Variants in KDM7A observed in about 807,000 individuals in gnomAD.
KDM7A encodes lysine-specific demethylase 7A.
In KDM7A, 28 loss-of-function variants were observed where a neutral mutation model predicts 114.8. The observed-to-expected ratio is 0.24, with a 90% confidence interval of 0.18 to 0.33. KDM7A has a LOEUF of 0.33. Ranked by LOEUF, KDM7A falls within the 10% of genes least tolerant of loss-of-function variation. The probability of loss-of-function intolerance (pLI) is 1.00; values close to 1 mark genes in which losing one functional copy is unlikely to be tolerated. For missense variants in KDM7A, 942 were observed against 1,142.5 expected (o/e 0.82, Z 2.53); for synonymous variants, 423 against 397.8 (o/e 1.06, Z -0.75).
intron 19 of KDM7A, 40 bp from the exon 20 acceptor site, chr7:140,091,228 G>A: frequency 7.3e-7 from 1 of 1,374,446 alleles, no homozygotes; most frequent in Non-Finnish European, 1.0e-6. Context: ...ATGATGAAAA[G>A]TACACTTAAG....
intron 2 of KDM7A, among the ~76,000 whole-genome samples, chr7:140,136,686 C>T (rs1482134972): frequency 1.3e-5 from 2 of 152,188 alleles, no homozygotes; most frequent in African/African-American, 4.8e-5. Context: ...TAGGGAATCT[C>T]TGAAACCAAC....
chr7:140,110,960 C>T, intron 11 of KDM7A, 135 bp downstream of exon 11: 1 of 493,390 alleles, frequency 2.0e-6, no homozygotes, highest in Non-Finnish European at 3.5e-6. Context: ...ACCTGAGAAA[C>T]CTCCAAAGAC....
intron 17 of KDM7A, among the ~76,000 whole-genome samples, 196 bp from the exon 18 acceptor site, chr7:140,094,334 G>A (rs1244051876): frequency 7.9e-5 from 12 of 152,092 alleles, no homozygotes; most frequent in Non-Finnish European, 1.6e-4. Flanking sequence ...GTGAAACCCC[G>A]TCTCTATTAA....
chr7:140,168,900 G>C (rs962578210), intron 1 of KDM7A, among the ~76,000 whole-genome samples: 11 of 152,246 alleles, frequency 7.2e-5, no homozygotes, highest in South Asian at 2.1e-4. Context: ...GTAAGGAAAG[G>C]GGAAAGCTAA....
At chr7:140,110,844 G>A (rs569474403) in intron 11 of KDM7A, among the ~76,000 whole-genome samples, 1 of 151,976 alleles carries the variant, frequency 6.6e-6, no homozygotes, top group East Asian at 1.9e-4. Flanking sequence ...CTGTATTTTT[G>A]ATTTTTTTTA....
chr7:140,176,797 G>T lies in KDM7A; in HGVS notation c.141C>A (p.Asp47Glu). Residue 47 changes from aspartate (D) to glutamate (E), a missense_variant, in exon 1 of 20, where the codon GAC (aspartate) becomes GAA (glutamate). Physicochemically the swap from Asp to Glu is conservative, Grantham distance 45. This residue lies in a region of KDM7A where 112 missense variants were observed against 96.2 expected (regional missense o/e 1.16). Transcript: ENST00000397560. This position sits in a 1 kb window ranked among gnomAD's most constrained non-coding sequence, Gnocchi z 4.4. ...PVYCVCRQPYDVNRFMIECDI... is the reference protein window; with the variant it reads ...PVYCVCRQPYEVNRFMIECDI... ...CGCACTCGATCATGAAGCGGTTCAC[G>T]TCGTACGGCTGCCGGCACACACAGT... The T allele has an allele frequency of 1.4e-6, 2 of 1,416,852 alleles. No individual in the cohort carries two copies. The highest frequency in any genetic ancestry group is 1.9e-6 in the Non-Finnish European group (2 of 1,063,608). The allele number at this position is 1,416,852 out of a possible 1,614,324, so 87.8% of individuals were successfully genotyped here. A position where few individuals can be genotyped will look rare whatever the true frequency, so the allele number is the denominator to read the frequency against.
At chr7:140,118,422 T>A (rs1234883685) in intron 9 of KDM7A, among the ~76,000 whole-genome samples, 1 of 139,368 alleles carries the variant, frequency 7.2e-6, no homozygotes, top group African/African-American at 3.0e-5. Context: ...ATAACCTGAC[T>A]TTTTTTTTTT....
chr7:140,147,805 G>T (rs1157636533), intron 1 of KDM7A, among the ~76,000 whole-genome samples: 1 of 152,144 alleles, frequency 6.6e-6, no homozygotes, highest in Non-Finnish European at 1.5e-5. Context: ...CCATGACACC[G>T]GATAAACACA....
intron 3 of KDM7A, among the ~76,000 whole-genome samples, chr7:140,130,535 C>T (rs1404137078): frequency 6.6e-6 from 1 of 151,802 alleles, no homozygotes; most frequent in Non-Finnish European, 1.5e-5. Context: ...GCAGGAGAAT[C>T]GCTTGAACCT....
chr7:140,094,574 A>C, intron 17 of KDM7A: 1 of 167,344 alleles, frequency 6.0e-6, no homozygotes, highest in Non-Finnish European at 1.3e-5. Context: ...CTCTTTAGAT[A>C]CTCATTTGCA....
intron 1 of KDM7A, among the ~76,000 whole-genome samples, chr7:140,160,070 T>C (rs951229750): frequency 2.2e-4 from 33 of 152,222 alleles, no homozygotes; most frequent in Admixed American, 5.2e-4. Context: ...AATAAATACA[T>C]ATTTTCTTAC....
intron 1 of KDM7A, among the ~76,000 whole-genome samples, chr7:140,174,969 A>G (rs960764103): frequency 1.1e-5 from 1 of 94,444 alleles, no homozygotes; most frequent in African/African-American, 2.9e-5. Context: ...TAGTTCTTTG[A>G]AAAAAAATAA....
rs1470741639 is a variant in KDM7A, at chr7:140,086,211, G to A, written c.*4883C>T. The A allele has an allele frequency of 2.0e-5, 3 of 152,318 alleles. No individual in the cohort carries two copies. The highest frequency in any genetic ancestry group is 2.0e-4 in the Admixed American group (3 of 15,304). 9.4% of individuals were successfully genotyped at this position (152,318 alleles called of 1,614,324 possible). A position where few individuals can be genotyped will look rare whatever the true frequency, so the allele number is the denominator to read the frequency against. ...TACGTGGTAGCCAGGGTTTATTAGTGAAATAGTGCAGAGCAGATAAACTTG... is the reference window on the plus strand; with the variant it reads ...TACGTGGTAGCCAGGGTTTATTAGTAAAATAGTGCAGAGCAGATAAACTTG... On this transcript the variant is annotated 3_prime_UTR_variant, in exon 20 of 20. Coordinates refer to ENST00000397560, the MANE Select transcript of KDM7A (RefSeq NM_030647.2).
intron 1 of KDM7A, among the ~76,000 whole-genome samples, chr7:140,140,604 T>C (rs970038195): frequency 2.6e-5 from 4 of 152,028 alleles, no homozygotes; most frequent in African/African-American, 9.7e-5. Context: ...GGAAACCCCG[T>C]CTCTACTAAA....
chr7:140,123,853 C>A (rs1026031828), intron 7 of KDM7A, among the ~76,000 whole-genome samples: 3 of 151,964 alleles, frequency 2.0e-5, no homozygotes, highest in Non-Finnish European at 4.4e-5. Context: ...GGGCGGATCA[C>A]GAGGTCAGGA....
At chr7:140,103,464 C>T (rs111336577) in intron 11 of KDM7A, among the ~76,000 whole-genome samples, 44 of 151,870 alleles carry the variant, frequency 2.9e-4, no homozygotes, top group African/African-American at 8.2e-4. Context: ...CCTCCCCCCC[C>T]CTCCAACCCA....
At chr7:140,135,382 TAG>T (rs1818852075) in intron 2 of KDM7A, among the ~76,000 whole-genome samples, 1 of 152,056 alleles carries the variant, frequency 6.6e-6, no homozygotes, top group Admixed American at 6.5e-5. Context: ...TTTTGTATTT[TAG>T]TAGAGATGGG....
At chr7:140,096,360 G>A (rs1359056075) in intron 17 of KDM7A, among the ~76,000 whole-genome samples, 195 bp downstream of exon 17, 1 of 152,098 alleles carries the variant, frequency 6.6e-6, no homozygotes, top group East Asian at 1.9e-4. Flanking sequence ...GTCAATCCCA[G>A]GTAATTTACA....
chr7:140,135,490 T>G (rs543429894), intron 2 of KDM7A, among the ~76,000 whole-genome samples: 1 of 152,302 alleles, frequency 6.6e-6, no homozygotes, highest in South Asian at 2.1e-4. Flanking sequence ...TGTGAGCCAC[T>G]GCGCCCAGCC....
Sources: gnomAD v4.1 joint callset for allele counts (sites outside exome capture counted in the v4.1 genomes callset) on GRCh38, gnomAD v4.1.1 for gene constraint, gnomAD v4.1.1 regional missense constraint, Gnocchi (gnomAD v3.1) non-coding constraint, MANE v1.5 for transcripts, NCBI Gene and HGNC (gene_info 2026-07-23, HGNC 2026-07-21) for gene names.